Variants in HYCC1 observed in about 807,000 individuals in gnomAD.
The protein encoded by HYCC1 is hyccin.
At chr7:22,965,216 T>A in the HYCC1 span, among the ~76,000 whole-genome samples, 4 of 151,788 alleles carry the variant, frequency 2.6e-5, no homozygotes, top group South Asian at 8.3e-4. Context: ...GATCCACAAT[T>A]TCTGACAAAG....
chr7:22,960,376 T>C, the HYCC1 span: 3 of 1,613,612 alleles, frequency 1.9e-6, no homozygotes, highest in South Asian at 1.1e-5. Flanking sequence ...TTAGATTTCA[T>C]GGGACCATGA....
At chr7:22,910,603 A>T in the HYCC1 span, among the ~76,000 whole-genome samples, 1 of 152,358 alleles carries the variant, frequency 6.6e-6, no homozygotes, top group African/African-American at 2.4e-5. Flanking sequence ...TAGGACCACT[A>T]CAATAAAAAC....
the HYCC1 span, chr7:22,976,190 G>A: frequency 5.7e-6 from 8 of 1,399,670 alleles, no homozygotes; most frequent in Non-Finnish European, 8.1e-6. Context: ...AATATTAGAA[G>A]CACTTGAATT....
chr7:22,994,839 C>T, the HYCC1 span, among the ~76,000 whole-genome samples: 5 of 152,122 alleles, frequency 3.3e-5, no homozygotes, highest in Non-Finnish European at 7.4e-5. Context: ...TCCAGCACCA[C>T]AAGAAGCTAC....
chr7:22,993,341 G>T, the HYCC1 span, among the ~76,000 whole-genome samples: 5 of 152,210 alleles, frequency 3.3e-5, no homozygotes, highest in Admixed American at 6.5e-5. Context: ...CTAGGCAAAG[G>T]TTTCTTAAAC....
the HYCC1 span, among the ~76,000 whole-genome samples, chr7:22,989,015 G>C: frequency 6.6e-6 from 1 of 152,088 alleles, no homozygotes; most frequent in Non-Finnish European, 1.5e-5. Context: ...GATGGAAAGG[G>C]AAGGAGATCA....
At chr7:22,973,690 T>G in the HYCC1 span, among the ~76,000 whole-genome samples, 1 of 152,230 alleles carries the variant, frequency 6.6e-6, no homozygotes, top group Non-Finnish European at 1.5e-5. Flanking sequence ...ATCCTATAGC[T>G]AGTTTTAAAA....
the HYCC1 span, among the ~76,000 whole-genome samples, chr7:22,975,406 A>G: frequency 6.6e-6 from 1 of 152,216 alleles, no homozygotes. Flanking sequence ...CTTTTAAATC[A>G]GGATTTTTAA....
the HYCC1 span, among the ~76,000 whole-genome samples, chr7:22,919,403 C>A: frequency 6.6e-6 from 1 of 152,070 alleles, no homozygotes; most frequent in Non-Finnish European, 1.5e-5. Context: ...GTGGCACGTG[C>A]CTGTAATCCC....
At chr7:22,993,224 G>A in the HYCC1 span, among the ~76,000 whole-genome samples, 39 of 152,246 alleles carry the variant, frequency 2.6e-4, no homozygotes, top group South Asian at 2.3e-3. Context: ...AGATCATGCT[G>A]TATGCAAAAA....
chr7:22,920,334 A>T, the HYCC1 span, among the ~76,000 whole-genome samples: 1 of 152,194 alleles, frequency 6.6e-6, no homozygotes. Context: ...ACCTGTATTT[A>T]AAAAATAATA....
At chr7:22,942,927 C>A in the HYCC1 span, 1 of 152,204 alleles carries the variant, frequency 6.6e-6, no homozygotes, top group East Asian at 1.9e-4. Context: ...TTGTTGTTAA[C>A]GTAACTCCGC....
the HYCC1 span, among the ~76,000 whole-genome samples, chr7:22,971,677 CAAAAA>C: frequency 3.3e-5 from 3 of 91,918 alleles, no homozygotes; most frequent in Admixed American, 1.2e-4. Context: ...CCCCATCTCA[CAAAAA>C]AAAAAAAAAA....
At chr7:22,933,215 T>C in the HYCC1 span, among the ~76,000 whole-genome samples, 1 of 152,200 alleles carries the variant, frequency 6.6e-6, no homozygotes, top group Non-Finnish European at 1.5e-5. Flanking sequence ...CCTTGAATTA[T>C]TGTGATAAAT....
At chr7:22,942,565 G>C in the HYCC1 span, 1 of 152,134 alleles carries the variant, frequency 6.6e-6, no homozygotes. Context: ...AAATGTGAGA[G>C]GTTGGGTGAT....
chr7:22,902,909 T>C, the HYCC1 span, among the ~76,000 whole-genome samples: 3 of 152,092 alleles, frequency 2.0e-5, no homozygotes, highest in Non-Finnish European at 4.4e-5. Flanking sequence ...GAAGAAATGA[T>C]AAATTAAACT....
chr7:22,921,417 T>A, the HYCC1 span, among the ~76,000 whole-genome samples: 58 of 152,346 alleles, frequency 3.8e-4, no homozygotes, highest in African/African-American at 1.4e-3. Flanking sequence ...TATAAATATA[T>A]ACTTTCTCCT....
At chr7:22,944,057 A>T in the HYCC1 span, 42 of 152,300 alleles carry the variant, frequency 2.8e-4, no homozygotes, top group African/African-American at 9.9e-4. Flanking sequence ...CAAATTTTTC[A>T]TATATCTGAG....
chr7:22,980,754 T>C, the HYCC1 span, among the ~76,000 whole-genome samples: 2 of 152,096 alleles, frequency 1.3e-5, no homozygotes, highest in East Asian at 1.9e-4. Flanking sequence ...ACCTCTCCAC[T>C]CTCTGGACTC....
Sources: allele counts gnomAD v4.1 joint callset (sites outside exome capture counted in the v4.1 genomes callset), GRCh38; gene constraint gnomAD v4.1.1; transcripts MANE v1.5; gene names NCBI Gene and HGNC (gene_info 2026-07-23, HGNC 2026-07-21).